B4GALNT3: variants seen among roughly 807,000 people sequenced by gnomAD.
B4GALNT3 encodes the protein beta-1,4-N-acetyl-galactosaminyltransferase 3.
B4GALNT3 carries 86 observed loss-of-function variants against 120.2 expected under a neutral mutation model. The ratio of observed to expected loss-of-function variants is 0.72; its 90% CI spans 0.60 to 0.86. The LOEUF is 0.86. Ranked by LOEUF, B4GALNT3 falls within the 40% of genes least tolerant of loss-of-function variation. The probability of loss-of-function intolerance (pLI) is 0.00; values close to 1 mark genes in which losing one functional copy is unlikely to be tolerated. For synonymous variants in B4GALNT3, 518 were observed against 510.4 expected, an observed-to-expected ratio of 1.01 and a Z score of -0.20; for missense variants, 1,167 against 1,298.9, an observed-to-expected ratio of 0.90 and a Z score of 1.56.
At position 532,941 on chromosome 12, in the gene B4GALNT3, C is replaced by A. The variant is rs143431132; in HGVS notation, c.170-2225C>A. ...GACCGTCTTCGAGAAGGAATGTGCA[C>A]CTGAGACGCACTGTAACTCCCACTG... On this transcript the variant is annotated intron_variant, in intron 1 of 19. Transcript: ENST00000266383. 1.9e-3 allele frequency among the ~76,000 whole-genome samples: 297 copies of A among 152,324 alleles called. 1 individual carries two copies. The highest frequency in any genetic ancestry group is 6.8e-3 in the African/African-American group (281 of 41,550).
intron 1 of B4GALNT3, among the ~76,000 whole-genome samples, chr12:474,777 T>C (rs1310065068): frequency 1.3e-5 from 2 of 151,696 alleles, no homozygotes; most frequent in Non-Finnish European, 2.9e-5. Flanking sequence ...TTGGGCAACA[T>C]CGTGAAACCC....
chr12:507,083 A>G (rs541899431), intron 1 of B4GALNT3, among the ~76,000 whole-genome samples: 6 of 152,362 alleles, frequency 3.9e-5, no homozygotes, highest in Admixed American at 1.3e-4. Context: ...ATTTGTCATG[A>G]TTAATGAACC....
intron 1 of B4GALNT3, among the ~76,000 whole-genome samples, chr12:477,283 T>C (rs1212375957): frequency 6.6e-6 from 1 of 152,220 alleles, no homozygotes; most frequent in Non-Finnish European, 1.5e-5. Context: ...GGTAGTATAT[T>C]GTGCCTGCAT....
rs1475844406 is a variant in B4GALNT3 at position 548,109 on chromosome 12, T to C, written c.786+7T>C. On this transcript the variant is annotated splice_region_variant and intron_variant, in intron 8 of 19. Coordinates refer to ENST00000266383, the MANE Select transcript of B4GALNT3 (RefSeq NM_173593.4). The surrounding 1 kb of genome is among the most constrained non-coding windows in gnomAD (Gnocchi z 4.9). ...CGACCACGTGGAAGTTGCAGTGAGT[T>C]TCCTGCTGCTCCCGCCTCTCCCAGC... 6.2e-7 allele frequency: 1 copy of C among 1,613,080 alleles called. No individual in the cohort carries two copies. Among genetic ancestry groups the C allele is most frequent in the Non-Finnish European group, 8.5e-7 (1 of 1,179,558 alleles).
chr12:533,975 C>A (rs1946833532), intron 1 of B4GALNT3, among the ~76,000 whole-genome samples: 1 of 152,342 alleles, frequency 6.6e-6, no homozygotes, highest in South Asian at 2.1e-4. Flanking sequence ...TCTGCTGGTG[C>A]TCACGTAGGG....
At position 561,414 on chromosome 12, in the gene B4GALNT3, G is replaced by C; in HGVS notation, c.2960G>C (p.Arg987Pro). The C allele has an allele frequency of 1.2e-6, 2 of 1,613,794 alleles. No individual in the cohort carries two copies. The highest frequency in any genetic ancestry group is 1.7e-6 in the Non-Finnish European group (2 of 1,179,994). Reference sequence around the variant, plus strand: ...TTCTTCCATCATTTCCATTCCAAGCGAGGCATGTGGAGCCGTCGCCAGATG... The same window carrying C: ...TTCTTCCATCATTTCCATTCCAAGCCAGGCATGTGGAGCCGTCGCCAGATG... ...RNFFHHFHSK[R>P]GMWSRRQMKT... Residue 987 changes from arginine (R) to proline (P), a missense_variant, in exon 20 of 20, where the codon CGA (arginine) becomes CCA (proline). By Grantham distance (103) the Arg-to-Pro change is moderately radical (BLOSUM62 -2). Around this residue, in one of 3 missense-constraint regions of B4GALNT3, gnomAD observed 983 missense variants for 1,102.5 expected, o/e 0.89. Coordinates refer to ENST00000266383, the MANE Select transcript of B4GALNT3 (RefSeq NM_173593.4).
Position 550,283 on chromosome 12 carries a change from TAG to T in B4GALNT3, c.997+374_997+375del, listed in dbSNP as rs1251688463. Among the ~76,000 whole-genome samples, 2 of 152,184 alleles carry T rather than the reference TAG, an allele frequency of 1.3e-5. No individual in the cohort carries two copies. The highest frequency in any genetic ancestry group is 3.8e-4 in the East Asian group (2 of 5,196). ...GAGAAATACGTGGACACCACAGTGT[TAG>T]AGTCTTAATGCATGATTCCTCTTGG... On this transcript the variant is annotated intron_variant, in intron 10 of 19. Transcript: ENST00000266383. This position sits in a 1 kb window ranked among gnomAD's most constrained non-coding sequence, Gnocchi z 4.1.
chr12:491,098 T>C (rs1467133305), intron 1 of B4GALNT3, among the ~76,000 whole-genome samples: 1 of 152,124 alleles, frequency 6.6e-6, no homozygotes, highest in Non-Finnish European at 1.5e-5. Context: ...CAGATTAATA[T>C]CTCTTATGAA....
At chr12:468,740 T>G (rs1414434485) in intron 1 of B4GALNT3, among the ~76,000 whole-genome samples, 3 of 152,252 alleles carry the variant, frequency 2.0e-5, no homozygotes, top group Non-Finnish European at 4.4e-5. Context: ...AGCCCCTGTA[T>G]TAGCAGCTGA....
At chr12:465,406 G>T (rs544159947) in intron 1 of B4GALNT3, among the ~76,000 whole-genome samples, 2 of 152,158 alleles carry the variant, frequency 1.3e-5, no homozygotes, top group African/African-American at 4.8e-5. Flanking sequence ...GTTTATCAGG[G>T]ACTGATCCAA....
At chr12:465,124 AG>A (rs1418521192) in intron 1 of B4GALNT3, among the ~76,000 whole-genome samples, 1 of 152,188 alleles carries the variant, frequency 6.6e-6, no homozygotes. Context: ...TCCTGTGGGC[AG>A]GGACTGTGTC....
At chr12:489,824 C>T (rs1354245647) in intron 1 of B4GALNT3, among the ~76,000 whole-genome samples, 1 of 152,196 alleles carries the variant, frequency 6.6e-6, no homozygotes, top group Non-Finnish European at 1.5e-5. Context: ...TCTTCTCAAG[C>T]TCACATGGAA....
At chr12:512,179 GCCTTCCACCTTCCGCCTTCCA>G (rs1592032767) in intron 1 of B4GALNT3, among the ~76,000 whole-genome samples, 1 of 16,664 alleles carries the variant, frequency 6.0e-5, no homozygotes, top group African/African-American at 4.6e-4. Flanking sequence ...TCCGCCTTCC[GCCTTCCACCTTCCGCCTTCCA>G]CCTTCCACCT....
intron 1 of B4GALNT3, among the ~76,000 whole-genome samples, chr12:512,969 T>TTCTTCCACCTTCCACTC (rs1946610140): frequency 8.9e-6 from 1 of 112,226 alleles, no homozygotes; most frequent in Admixed American, 8.2e-5. Flanking sequence ...ACCTTCCACT[T>TTCTTCCACCTTCCACTC]TCCACCTTCC....
At chr12:464,256 T>C (rs1202709655) in intron 1 of B4GALNT3, among the ~76,000 whole-genome samples, 3 of 152,204 alleles carry the variant, frequency 2.0e-5, no homozygotes, top group African/African-American at 7.2e-5. Context: ...AGTTAAAGAT[T>C]CTCCAATTAG....
intron 6 of B4GALNT3, among the ~76,000 whole-genome samples, chr12:546,211 G>A (rs1485349970): frequency 3.3e-5 from 3 of 90,626 alleles, no homozygotes; most frequent in Non-Finnish European, 6.9e-5. Flanking sequence ...TGAGAGGAGG[G>A]AGGGGGGTGT....
chr12:464,538 C>T (rs1045923301), intron 1 of B4GALNT3, among the ~76,000 whole-genome samples: 4 of 151,850 alleles, frequency 2.6e-5, no homozygotes, highest in African/African-American at 9.7e-5. Context: ...GAGGCTGAGG[C>T]AGGAGAATTG....
At chr12:466,591 C>T (rs747455341) in intron 1 of B4GALNT3, among the ~76,000 whole-genome samples, 35 of 152,096 alleles carry the variant, frequency 2.3e-4, no homozygotes, top group Non-Finnish European at 3.2e-4. Context: ...TGAGAATAGT[C>T]GGATAGTGGC....
intron 1 of B4GALNT3, among the ~76,000 whole-genome samples, chr12:511,484 T>C (rs1409332452): frequency 1.1e-5 from 1 of 90,710 alleles, no homozygotes; most frequent in Non-Finnish European, 2.0e-5. Context: ...TTCCACCTTC[T>C]TCCACCTTCC....
Sources: allele counts gnomAD v4.1 joint callset (sites outside exome capture counted in the v4.1 genomes callset), GRCh38; gene constraint gnomAD v4.1.1; regional missense constraint gnomAD v4.1.1; non-coding constraint Gnocchi (gnomAD v3.1); transcripts MANE v1.5; gene names NCBI Gene and HGNC (gene_info 2026-07-23, HGNC 2026-07-21).